Variants in ACAP3 observed in about 807,000 individuals in gnomAD.
ACAP3 encodes the protein arf-GAP with coiled-coil, ANK repeat and PH domain-containing protein 3.
Under a neutral mutation model 104.1 loss-of-function variants are expected in ACAP3, and 56 were observed. The ratio of observed to expected loss-of-function variants is 0.54; its 90% CI spans 0.43 to 0.67. The LOEUF (loss-of-function observed/expected upper bound fraction) is 0.67. Among genes scored for constraint, ACAP3 ranks in the 30% least tolerant of loss-of-function variants. The pLI, the probability that ACAP3 is intolerant of heterozygous loss-of-function variation, is 0.00. For synonymous variants in ACAP3, 628 were observed against 496.2 expected, an observed-to-expected ratio of 1.27 and a Z score of -3.53; for missense variants, 1,208 against 1,174.9, an observed-to-expected ratio of 1.03 and a Z score of -0.41.
chr1:1,295,987 G>A lies in ACAP3; in HGVS notation c.1502+28C>T, dbSNP rs1369244701. ...CTGTGCCCCCAGGCTGGGGCTCCCT[G>A]ACTGATCCAGACTGTACCCCACCTC... is the stretch of plus-strand genomic sequence containing the variant. On this transcript the variant is annotated intron_variant, in intron 17 of 23. Transcript: ENST00000354700. 6.8e-6 allele frequency: 11 copies of A among 1,612,738 alleles called. No individual in the cohort carries two copies. In the South Asian group the frequency reaches 1.1e-4, roughly 16 times the overall value.
intron 1 of ACAP3, chr1:1,307,506 G>A (rs1557615201): frequency 1.7e-6 from 2 of 1,205,628 alleles, no homozygotes. Context: ...GACACAGAGC[G>A]GGGGCGGACG....
intron 14 of ACAP3, among the ~76,000 whole-genome samples, 166 bp from the exon 15 acceptor site, chr1:1,296,799 CCCCT>C (rs1423286168): frequency 6.9e-6 from 1 of 144,888 alleles, no homozygotes; most frequent in African/African-American, 2.5e-5. Flanking sequence ...AGATGGCCCC[CCCCT>C]CGAGCACACG....
intron 5 of ACAP3, 29 bp from the exon 6 acceptor site, chr1:1,300,721 A>T: frequency 1.1e-5 from 17 of 1,589,506 alleles, no homozygotes; most frequent in Non-Finnish European, 1.4e-5. Context: ...GTGGGGTGAG[A>T]GATCAGGGAG....
At chr1:1,307,311 C>T (rs1448684084) in intron 1 of ACAP3, 2 of 1,289,158 alleles carry the variant, frequency 1.6e-6, no homozygotes, top group South Asian at 1.2e-5. Flanking sequence ...GTCATTCAAA[C>T]CACTTCACGT....
At chr1:1,299,501 A>C in intron 9 of ACAP3, 145 bp from the exon 10 acceptor site, 2 of 1,034,300 alleles carry the variant, frequency 1.9e-6, no homozygotes, top group Non-Finnish European at 2.7e-6. Context: ...CTATCCCAAA[A>C]TAGCCACTCC....
In ACAP3 at chr1:1,294,445, G is replaced by T. The variant is rs752863196; in HGVS notation, c.2096C>A (p.Ala699Glu). Residue 699 changes from alanine (A) to glutamate (E), a missense_variant, in exon 21 of 24, where the codon GCG (alanine) becomes GAG (glutamate). Ala to Glu is a moderately radical substitution (Grantham distance 107, BLOSUM62 -1). Coordinates refer to ENST00000354700, the MANE Select transcript of ACAP3 (RefSeq NM_030649.3). ...CAGCGGCGTCTTGCCCTCATCCTCC[G>T]CGTCCGCCCAGTTGACCTCGGCCCC... ...AHGAEVNWADAEDEGKTPLVQ... is the reference protein window; with the variant it reads ...AHGAEVNWADEEDEGKTPLVQ... The T allele has an allele frequency of 1.3e-6, 2 of 1,575,128 alleles. No individual in the cohort carries two copies. The highest frequency in any genetic ancestry group is 8.6e-7 in the Non-Finnish European group (1 of 1,166,714).
In ACAP3 at chr1:1,298,681, T is replaced by TG; in HGVS notation, c.751-3dup. On this transcript the variant is annotated splice_region_variant and splice_polypyrimidine_tract_variant and intron_variant, in intron 10 of 23. Coordinates refer to ENST00000354700, the MANE Select transcript of ACAP3 (RefSeq NM_030649.3). ...TTTGGACTCATCGTAGGAGAAGTCC[T>TG]GGGGGGATGGAACCCGCCCCCTCAG... 2.5e-6 allele frequency: 4 copies of TG among 1,610,422 alleles called. No homozygotes were observed. The highest frequency in any genetic ancestry group is 3.4e-6 in the Non-Finnish European group (4 of 1,178,060).
Position 1,293,530 on chromosome 1 carries a change from C to T in ACAP3, c.*34G>A. 2 of 1,418,566 alleles carry T rather than the reference C, an allele frequency of 1.4e-6. No individual in the cohort carries two copies. Among genetic ancestry groups the T allele is most frequent in the South Asian group, 1.4e-5 (1 of 73,424 alleles). 87.9% of individuals were successfully genotyped at this position (1,418,566 alleles called of 1,614,324 possible). ...CTTCGGGGCATGCGGGGCGTCGGGC[C>T]GGGCGGGGTGGCAGCTGCCCGGCCT... On this transcript the variant is annotated 3_prime_UTR_variant, in exon 24 of 24. Transcript: ENST00000354700.
chr1:1,297,892 G>C lies in ACAP3; in HGVS notation c.1058C>G (p.Ala353Gly), dbSNP rs1002491770. Residue 353 changes from alanine (A) to glycine (G), a missense_variant, in exon 14 of 24, where the codon GCC becomes GGC. Ala to Gly is a moderately conservative substitution (Grantham distance 60). Transcript: ENST00000354700. ...LQADSEKLRQ[A>G]WVQAVQASIA... ...GCTGGCCTGCACAGCCTGGACCCAG[G>C]CTTGCCGCAGCTTCTCGGAGTCAGC... is the stretch of plus-strand genomic sequence containing the variant. 1.9e-6 allele frequency: 3 copies of C among 1,612,062 alleles called. No individual in the cohort carries two copies. The highest frequency in any genetic ancestry group is 2.2e-5 in the South Asian group (2 of 91,074).
In ACAP3 at chr1:1,296,022, TGCTG is replaced by T. The variant is rs1279750540; in HGVS notation, c.1491_1494del (p.Ser498AlafsTer108). ...GACTGTACCCCACCTCACCGGGAGCTGCTGGCTGTGGGTTTCCTGCTGCCTGCAC... is the reference window on the plus strand; with the variant it reads ...GACTGTACCCCACCTCACCGGGAGCTGCTGTGGGTTTCCTGCTGCCTGCAC... On this transcript the variant is annotated frameshift_variant, in exon 17 of 24. Coordinates refer to ENST00000354700, the MANE Select transcript of ACAP3 (RefSeq NM_030649.3). LOFTEE classifies it high-confidence loss of function. 1 of 1,612,796 alleles carries T rather than the reference TGCTG, an allele frequency of 6.2e-7. No individual in the cohort carries two copies. The highest frequency in any genetic ancestry group is 2.2e-5 in the East Asian group (1 of 44,880).
Position 1,295,932 on chromosome 1 carries a change from G to T in ACAP3, c.1509C>A (p.Asp503Glu), listed in dbSNP as rs771233571. 5.0e-6 allele frequency: 8 copies of T among 1,612,368 alleles called. No homozygotes were observed. Among genetic ancestry groups the T allele is most frequent in the African/African-American group, 2.7e-5 (2 of 74,912 alleles). The change falls in exon 18 of 24, where the codon GAC (aspartate) becomes GAA (glutamate). Residue 503 changes from aspartate (D) to glutamate (E), a missense_variant. Transcript: ENST00000354700. The stretch of plus-strand genomic sequence containing the variant: ...ATTTGTCCTTGATCCAGGCCTCCTT[G>T]TCCTGCCTGGACCAGGGGGGAACAT... The part of the protein sequence containing the change: ...RKPTASSSRQ[D>E]KEAWIKDKYV...
chr1:1,303,195 C>T lies in ACAP3; in HGVS notation c.192G>A (p.Leu64=), dbSNP rs1422583722. 6.2e-7 allele frequency: 1 copy of T among 1,606,726 alleles called. No individual in the cohort carries two copies. Among genetic ancestry groups the T allele is most frequent in the Non-Finnish European group, 8.5e-7 (1 of 1,177,478 alleles). The change falls in exon 3 of 24, where the codon CTG becomes CTA. Residue 64 remains leucine (L), a synonymous_variant. Coordinates refer to ENST00000354700, the MANE Select transcript of ACAP3 (RefSeq NM_030649.3). The surrounding 1 kb of genome is among the most constrained non-coding windows in gnomAD (Gnocchi z 4.0). ...SRLFVSGVRD[L]SQQCQGDTVI... is the part of the protein sequence containing the mutation. ...CGGTGTCGCCCTGGCACTGCTGGGA[C>T]AGGTCGCGGACGCCGCTCACGAAAA...
rs1257203090 is a variant in ACAP3 at position 1,296,033 on chromosome 1, G to A, written c.1484C>T (p.Pro495Leu). 1 of 1,612,820 alleles carries A rather than the reference G, an allele frequency of 6.2e-7. No homozygotes were observed. ...ACCTCACCGGGAGCTGCTGGCTGTG[G>A]GTTTCCTGCTGCCTGCACCCTCACA... is the stretch of plus-strand genomic sequence containing the variant. ...AQCEGAGSRKPTASSSRQDKE... is the reference protein window; with the variant it reads ...AQCEGAGSRKLTASSSRQDKE... The change falls in exon 17 of 24, where the codon CCC becomes CTC. Residue 495 changes from proline to leucine, a missense_variant. Coordinates refer to ENST00000354700, the MANE Select transcript of ACAP3 (RefSeq NM_030649.3).
At chr1:1,304,492 C>T (rs1641597067) in intron 1 of ACAP3, 2 of 412,494 alleles carry the variant, frequency 4.8e-6, no homozygotes, top group Non-Finnish European at 4.5e-6. Flanking sequence ...TCAGAGTCAA[C>T]CCTGGACCCA....
rs1189827356 is a variant in ACAP3 at position 1,303,492 on chromosome 1, G to A, written c.106-211C>T. 1.5e-6 allele frequency: 1 copy of A among 684,552 alleles called. No individual in the cohort carries two copies. The highest frequency in any genetic ancestry group is 2.4e-6 in the Non-Finnish European group (1 of 420,056). 42.4% of individuals were successfully genotyped at this position (684,552 alleles called of 1,614,324 possible). On this transcript the variant is annotated intron_variant, in intron 2 of 23. Transcript: ENST00000354700. The surrounding 1 kb of genome is among the most constrained non-coding windows in gnomAD (Gnocchi z 4.0). The stretch of plus-strand genomic sequence containing the variant: ...GGGAGGGGAGGGTGGGGCCGCCACG[G>A]CTCGGCTGGGAGGGACCAGGAGCCA...
At position 1,304,141 on chromosome 1, in the gene ACAP3, G is replaced by A. The variant is rs1352041253; in HGVS notation, c.50C>T (p.Ala17Val). 11 of 1,550,450 alleles carry A rather than the reference G, an allele frequency of 7.1e-6. No homozygotes were observed. The highest frequency in any genetic ancestry group is 2.0e-5 in the Admixed American group (1 of 50,976). The change falls in exon 2 of 24, where the codon GCG becomes GTG. Residue 17 changes from alanine to valine, a missense_variant and splice_region_variant. Physicochemically the swap from Ala to Val is moderately conservative, Grantham distance 64. Coordinates refer to ENST00000354700, the MANE Select transcript of ACAP3 (RefSeq NM_030649.3). ...GTCCGTCTCCACCTCGTCAATGGTC[G>A]CCCTAAAGCAAGAACGGGGCTGGCT... ...ECVKDSPRFR[A>V]TIDEVETDVV... is the part of the protein sequence containing the mutation.
intron 6 of ACAP3, 28 bp from the exon 7 acceptor site, chr1:1,300,230 C>A (rs1641385495): frequency 3.2e-6 from 5 of 1,578,728 alleles, no homozygotes; most frequent in Non-Finnish European, 4.3e-6. Flanking sequence ...CACAGGTGAG[C>A]CCCGGAGGCT....
chr1:1,297,241 A>G (rs58435628), intron 14 of ACAP3, among the ~76,000 whole-genome samples: 23 of 56,310 alleles, frequency 4.1e-4, no homozygotes, highest in African/African-American at 1.0e-3. Context: ...CCGGTGGCAC[A>G]TGTGTGCACG....
intron 5 of ACAP3, chr1:1,301,483 G>A (rs1641444522): frequency 6.8e-6 from 1 of 146,960 alleles, no homozygotes; most frequent in Admixed American, 6.9e-5. Context: ...GCCCAGGCTG[G>A]TCTCAAACTC....
Sources: allele counts gnomAD v4.1 joint callset (sites outside exome capture counted in the v4.1 genomes callset), GRCh38; gene constraint gnomAD v4.1.1; non-coding constraint Gnocchi (gnomAD v3.1); transcripts MANE v1.5; gene names NCBI Gene and HGNC (gene_info 2026-07-23, HGNC 2026-07-21).